SLC8A1: variants seen among roughly 807,000 people sequenced by gnomAD.
SLC8A1 encodes the protein solute carrier family 8 member A1, also known as sodium/calcium exchanger 1.
In SLC8A1, 18 loss-of-function variants were observed where a neutral mutation model predicts 68.3. That is an observed-to-expected ratio of 0.26 (90% confidence interval 0.18 to 0.39). The LOEUF (loss-of-function observed/expected upper bound fraction) is 0.39, where lower values mean the gene tolerates loss of function less well. Among genes scored for constraint, SLC8A1 ranks in the 10% least tolerant of loss-of-function variants. The probability of loss-of-function intolerance (pLI) is 1.00; values close to 1 mark genes in which losing one functional copy is unlikely to be tolerated. For synonymous variants in SLC8A1, 475 were observed against 415.5 expected (o/e 1.14, Z -1.74); for missense variants, 985 against 1,156.7 (o/e 0.85, Z 2.15).
chr2:40,419,937 T>TA (rs1388103069), intron 2 of SLC8A1, among the ~76,000 whole-genome samples: 2 of 152,146 alleles, frequency 1.3e-5, no homozygotes, highest in African/African-American at 4.8e-5. Flanking sequence ...CGGCAAAAGG[T>TA]AAAAAATTTA....
chr2:40,390,090 T>G lies in SLC8A1; in HGVS notation c.1808+38383A>C, dbSNP rs10176856. Among the ~76,000 whole-genome samples the G allele has an allele frequency of 1.7e-4, 26 of 152,084 alleles. No individual in the cohort carries two copies. The East Asian group carries it at 1.7e-3, about 10-fold the overall frequency. ...TATGTTGTAATGTATTATTAGGCAA[T>G]TGTAATGGAAGAAACATTTTACTAG... On this transcript the variant is annotated intron_variant, in intron 2 of 7. Coordinates refer to ENST00000406785, the Ensembl canonical transcript of SLC8A1.
At chr2:40,286,887 C>T (rs890353756) in intron 2 of SLC8A1, among the ~76,000 whole-genome samples, 7 of 152,298 alleles carry the variant, frequency 4.6e-5, no homozygotes, top group Middle Eastern at 6.8e-3. Context: ...CACCTGTATT[C>T]GTCCTTGCAC....
At chr2:40,475,283 G>A (rs1327111679) in intron 1 of SLC8A1, among the ~76,000 whole-genome samples, 9 of 151,944 alleles carry the variant, frequency 5.9e-5, no homozygotes, top group African/African-American at 1.9e-4. Context: ...ACAGGTGCCC[G>A]CCACCTCGCC....
intron 6 of SLC8A1, among the ~76,000 whole-genome samples, chr2:40,147,772 G>A (rs448517): frequency 0.3 from 45,562 of 151,978 alleles, 7,042 homozygotes; most frequent in African/African-American, 0.36. Context: ...ACATGCAGAG[G>A]GGCATAAATG....
intron 2 of SLC8A1, among the ~76,000 whole-genome samples, chr2:40,325,725 A>G (rs1163639043): frequency 1.5e-5 from 2 of 137,092 alleles, no homozygotes; most frequent in African/African-American, 2.8e-5. Context: ...CAAGGTCAGG[A>G]GATGGAGACC....
At chr2:40,368,063 C>T (rs1390597895) in intron 2 of SLC8A1, among the ~76,000 whole-genome samples, 1 of 152,050 alleles carries the variant, frequency 6.6e-6, no homozygotes, top group Non-Finnish European at 1.5e-5. Flanking sequence ...TTACATATTC[C>T]TCCCAACTTT....
At chr2:40,448,931 G>C (rs1474084291) in intron 1 of SLC8A1, among the ~76,000 whole-genome samples, 1 of 152,046 alleles carries the variant, frequency 6.6e-6, no homozygotes, top group African/African-American at 2.4e-5. Flanking sequence ...ATGTTTACTT[G>C]AAAGCAACAT....
chr2:40,267,185 GTT>G lies in SLC8A1; in HGVS notation c.1809-89332_1809-89331del, dbSNP rs575475623. 8.5e-3 allele frequency among the ~76,000 whole-genome samples: 1,288 copies of G among 152,290 alleles called. 7 individuals carry two copies. Among genetic ancestry groups the G allele is most frequent in the Non-Finnish European group, 0.012 (835 of 68,022 alleles). On this transcript the variant is annotated intron_variant, in intron 2 of 7. Transcript: ENST00000406785. ...AAACAAGAAAACAAAGTAACAAGGA[GTT>G]TGTTGATGTATTAGCAGGATCCTGG...
chr2:40,372,812 G>C (rs1429944463), intron 2 of SLC8A1, among the ~76,000 whole-genome samples: 4 of 151,982 alleles, frequency 2.6e-5, no homozygotes, highest in African/African-American at 9.7e-5. Flanking sequence ...TTTGACTCAC[G>C]TCTCCAGTGT....
chr2:40,204,583 T>A (rs2055022448), intron 2 of SLC8A1, among the ~76,000 whole-genome samples: 1 of 151,972 alleles, frequency 6.6e-6, no homozygotes, highest in Non-Finnish European at 1.5e-5. Flanking sequence ...TTCTAATGAC[T>A]CTATCCCTTT....
At chr2:40,190,224 C>T (rs2148642924) in intron 2 of SLC8A1, among the ~76,000 whole-genome samples, 1 of 152,320 alleles carries the variant, frequency 6.6e-6, no homozygotes, top group East Asian at 1.9e-4. Context: ...ATTTTCCACT[C>T]AACTTCAGCC....
At chr2:40,365,866 G>C (rs904235586) in intron 2 of SLC8A1, among the ~76,000 whole-genome samples, 1 of 151,842 alleles carries the variant, frequency 6.6e-6, no homozygotes, top group African/African-American at 2.4e-5. Context: ...ATGCATGATG[G>C]TGCATGCCTG....
chr2:40,261,517 C>T (rs965328116), intron 2 of SLC8A1, among the ~76,000 whole-genome samples: 1 of 152,148 alleles, frequency 6.6e-6, no homozygotes, highest in Non-Finnish European at 1.5e-5. Context: ...ACTTCAATCC[C>T]AAGGTCTTTC....
intron 2 of SLC8A1, among the ~76,000 whole-genome samples, chr2:40,245,337 C>G (rs957276397): frequency 1.6e-5 from 2 of 127,948 alleles, no homozygotes; most frequent in African/African-American, 6.4e-5. Context: ...TACGTAGTCA[C>G]ACTGATTGTC....
At chr2:40,222,161 C>T (rs1026041582) in intron 2 of SLC8A1, among the ~76,000 whole-genome samples, 1 of 151,752 alleles carries the variant, frequency 6.6e-6, no homozygotes, top group African/African-American at 2.4e-5. Context: ...GGTACTGGTA[C>T]CAAATTAGAT....
At chr2:40,116,101 G>A (rs559924138) in intron 7 of SLC8A1, among the ~76,000 whole-genome samples, 43 of 152,246 alleles carry the variant, frequency 2.8e-4, no homozygotes, top group Middle Eastern at 3.4e-3. Flanking sequence ...CTGCTGGAGG[G>A]TATTACTAAA....
At chr2:40,361,290 G>A (rs184286949) in intron 2 of SLC8A1, among the ~76,000 whole-genome samples, 1 of 152,246 alleles carries the variant, frequency 6.6e-6, no homozygotes, top group East Asian at 1.9e-4. Flanking sequence ...CATTTGATGT[G>A]TGCCGGTTAC....
chr2:40,487,473 T>C (rs566559223), intron 1 of SLC8A1, among the ~76,000 whole-genome samples: 1 of 152,196 alleles, frequency 6.6e-6, no homozygotes, highest in Non-Finnish European at 1.5e-5. Flanking sequence ...ATGAAACCAC[T>C]GTCTCAGAGC....
intron 1 of SLC8A1, among the ~76,000 whole-genome samples, chr2:40,480,482 G>C (rs1168331033): frequency 1.3e-5 from 2 of 152,202 alleles, no homozygotes; most frequent in East Asian, 3.8e-4. Context: ...CAGATACGGA[G>C]TTTGCTGGCA....
Sources: allele counts gnomAD v4.1 joint callset (sites outside exome capture counted in the v4.1 genomes callset), GRCh38; gene constraint gnomAD v4.1.1; transcripts MANE v1.5; gene names NCBI Gene and HGNC (gene_info 2026-07-23, HGNC 2026-07-21).